Variants in SPATA31H1 observed in about 807,000 individuals in gnomAD.
SPATA31H1 encodes the protein SPATA31 subfamily H member 1, also known as spermatogenesis-associated protein 31H1.
At chr2:27,574,122 T>C in the SPATA31H1 span, 1 of 398,402 alleles carries the variant, frequency 2.5e-6, no homozygotes, top group South Asian at 1.3e-4. Context: ...TGGGCCACAG[T>C]TGCAAGGAGT....
the SPATA31H1 span, among the ~76,000 whole-genome samples, chr2:27,548,205 G>A: frequency 3.3e-5 from 5 of 151,718 alleles, no homozygotes; most frequent in South Asian, 4.2e-4. Flanking sequence ...TCCTGACCTC[G>A]TGATCTGCCC....
chr2:27,579,999 T>C, the SPATA31H1 span: 3,464 of 1,614,048 alleles, frequency 2.1e-3, 26 homozygotes, highest in Non-Finnish European at 1.7e-3. Context: ...TTCGGGGCCT[T>C]ATCTTCTTAT....
chr2:27,579,306 T>A, the SPATA31H1 span: 1 of 1,614,184 alleles, frequency 6.2e-7, no homozygotes, highest in African/African-American at 1.3e-5. Flanking sequence ...TTCTCAAACA[T>A]CTTTAGCAGA....
At chr2:27,576,083 T>G in the SPATA31H1 span, 1 of 399,978 alleles carries the variant, frequency 2.5e-6, no homozygotes, top group Non-Finnish European at 4.4e-6. Flanking sequence ...AGTATGTGAA[T>G]TCTTCTGAGT....
At chr2:27,553,854 G>A in the SPATA31H1 span, among the ~76,000 whole-genome samples, 13 of 151,858 alleles carry the variant, frequency 8.6e-5, no homozygotes, top group Non-Finnish European at 1.0e-4. Flanking sequence ...CCCGGGAGGC[G>A]GAGGTTGCAG....
At chr2:27,545,626 A>C in the SPATA31H1 span, among the ~76,000 whole-genome samples, 3 of 149,634 alleles carry the variant, frequency 2.0e-5, no homozygotes, top group Non-Finnish European at 4.4e-5. Flanking sequence ...CCCAGCCTGA[A>C]ATGCAGTGAT....
At chr2:27,582,232 G>C in the SPATA31H1 span, 1 of 1,614,070 alleles carries the variant, frequency 6.2e-7, no homozygotes, top group African/African-American at 1.3e-5. Context: ...AGCCATCGCA[G>C]TCCCTCCGGG....
At chr2:27,577,502 G>A in the SPATA31H1 span, 1 of 1,614,076 alleles carries the variant, frequency 6.2e-7, no homozygotes, top group Non-Finnish European at 8.5e-7. The surrounding 1 kb of genome is among the most constrained non-coding windows in gnomAD (Gnocchi z 4.5). Flanking sequence ...GATCCCCAAG[G>A]CTCTGTCCTC....
At chr2:27,577,444 T>C in the SPATA31H1 span, 5 of 1,613,908 alleles carry the variant, frequency 3.1e-6, no homozygotes, top group Non-Finnish European at 4.2e-6. This position sits in a 1 kb window ranked among gnomAD's most constrained non-coding sequence, Gnocchi z 4.5. Context: ...AATGAATTCT[T>C]TGGAATGACC....
the SPATA31H1 span, among the ~76,000 whole-genome samples, chr2:27,549,612 C>T: frequency 6.6e-6 from 1 of 151,704 alleles, no homozygotes; most frequent in African/African-American, 2.4e-5. Context: ...GAGTTCAAGA[C>T]CAGCCTGGCC....
the SPATA31H1 span, chr2:27,577,014 A>C: frequency 3.1e-6 from 5 of 1,614,114 alleles, no homozygotes; most frequent in Non-Finnish European, 4.2e-6. This position sits in a 1 kb window ranked among gnomAD's most constrained non-coding sequence, Gnocchi z 4.5. Context: ...TAAATCTGCA[A>C]ATTTGATTTC....
At chr2:27,553,448 T>C in the SPATA31H1 span, among the ~76,000 whole-genome samples, 1 of 152,130 alleles carries the variant, frequency 6.6e-6, no homozygotes, top group African/African-American at 2.4e-5. Flanking sequence ...AAAGGGTCAC[T>C]TGGTCACACC....
chr2:27,572,443 A>G, the SPATA31H1 span: 2 of 398,284 alleles, frequency 5.0e-6, no homozygotes, highest in Non-Finnish European at 8.9e-6. Flanking sequence ...CTTTCCATAC[A>G]GTTGGGAGAT....
At chr2:27,577,927 A>G in the SPATA31H1 span, 1 of 1,614,152 alleles carries the variant, frequency 6.2e-7, no homozygotes, top group Non-Finnish European at 8.5e-7. This position sits in a 1 kb window ranked among gnomAD's most constrained non-coding sequence, Gnocchi z 4.5. Flanking sequence ...GGGCTAACAA[A>G]GTCAAAGAAT....
At chr2:27,578,812 C>T in the SPATA31H1 span, 1 of 1,614,144 alleles carries the variant, frequency 6.2e-7, no homozygotes, top group South Asian at 1.1e-5. Flanking sequence ...GTCAGAACAG[C>T]ATCTGAATTA....
the SPATA31H1 span, chr2:27,576,207 C>T: frequency 2.5e-6 from 1 of 403,872 alleles, no homozygotes; most frequent in Non-Finnish European, 4.4e-6. Flanking sequence ...TTCTGAGTTG[C>T]ATCCAGGGCC....
chr2:27,557,946 G>T, the SPATA31H1 span, among the ~76,000 whole-genome samples: 2 of 3,986 alleles, frequency 5.0e-4, no homozygotes, highest in Non-Finnish European at 8.0e-4. Flanking sequence ...GGATGGGGCG[G>T]CTGGCCAGGC....
the SPATA31H1 span, chr2:27,580,247 T>G: frequency 6.2e-7 from 1 of 1,614,216 alleles, no homozygotes; most frequent in East Asian, 2.2e-5. Flanking sequence ...CCCAGTCCCC[T>G]GCTCCTGTAC....
the SPATA31H1 span, chr2:27,577,792 G>A: frequency 2.5e-6 from 4 of 1,614,132 alleles, no homozygotes; most frequent in South Asian, 3.3e-5. The surrounding 1 kb of genome is among the most constrained non-coding windows in gnomAD (Gnocchi z 4.5). Context: ...AATCTGACCT[G>A]TAAGCAATGG....
Sources: allele counts gnomAD v4.1 joint callset (sites outside exome capture counted in the v4.1 genomes callset), GRCh38; gene constraint gnomAD v4.1.1; non-coding constraint Gnocchi (gnomAD v3.1); transcripts MANE v1.5; gene names NCBI Gene and HGNC (gene_info 2026-07-23, HGNC 2026-07-21).